The following NUBPL variants were observed in gnomAD, a reference collection of about 807,000 sequenced individuals.
NUBPL encodes iron-sulfur cluster transfer protein NUBPL.
A neutral mutation model predicts 45.7 loss-of-function variants in NUBPL; 31 were observed. The ratio of observed to expected loss-of-function variants is 0.68; its 90% CI spans 0.51 to 0.92. NUBPL has a LOEUF of 0.92. Ranked by LOEUF, NUBPL falls within the 40% of genes least tolerant of loss-of-function variation. The pLI is 0.00. For missense variants in NUBPL, 401 were observed against 398.7 expected, an observed-to-expected ratio of 1.01 and a Z score of -0.05; for synonymous variants, 144 against 140.9, an observed-to-expected ratio of 1.02 and a Z score of -0.15.
chr14:31,812,057 C>T (rs2039816520), intron 7 of NUBPL, among the ~76,000 whole-genome samples: 1 of 152,164 alleles, frequency 6.6e-6, no homozygotes, highest in Non-Finnish European at 1.5e-5. Context: ...TCAGTCGGCC[C>T]CTACTGGGAG....
intron 7 of NUBPL, among the ~76,000 whole-genome samples, chr14:31,798,791 C>CAAAAAAAA (rs1164176250): frequency 1.9e-5 from 1 of 53,502 alleles, no homozygotes; most frequent in Non-Finnish European, 2.9e-5. Context: ...GACTCCGTCT[C>CAAAAAAAA]AAAAAAAAAA....
At chr14:31,714,001 G>A (rs141504541) in intron 6 of NUBPL, among the ~76,000 whole-genome samples, 23 of 152,238 alleles carry the variant, frequency 1.5e-4, no homozygotes, top group African/African-American at 5.3e-4. Context: ...AGTACTGATT[G>A]GCTATGTAGA....
At chr14:31,660,318 C>G (rs2036238808) in intron 4 of NUBPL, among the ~76,000 whole-genome samples, 1 of 152,094 alleles carries the variant, frequency 6.6e-6, no homozygotes, top group African/African-American at 2.4e-5. Flanking sequence ...CTGGTGGAAC[C>G]ACTTTGTCTC....
intron 4 of NUBPL, chr14:31,668,126 A>C (rs1229474932): frequency 6.6e-6 from 1 of 152,396 alleles, no homozygotes; most frequent in Non-Finnish European, 1.5e-5. Flanking sequence ...GTCGGCAGGC[A>C]GGAATGTTTA....
chr14:31,635,719 T>C (rs2035476067), intron 4 of NUBPL, among the ~76,000 whole-genome samples: 1 of 151,454 alleles, frequency 6.6e-6, no homozygotes, highest in East Asian at 1.9e-4. Flanking sequence ...TTCCTACCCA[T>C]GAGCATGGAA....
chr14:31,792,461 G>A (rs1324202411), intron 7 of NUBPL, among the ~76,000 whole-genome samples: 1 of 126,762 alleles, frequency 7.9e-6, no homozygotes, highest in Non-Finnish European at 1.6e-5. Context: ...TTCTTGAAGA[G>A]ACCAGTATTA....
At chr14:31,695,966 G>A (rs575499924) in intron 6 of NUBPL, among the ~76,000 whole-genome samples, 8 of 152,272 alleles carry the variant, frequency 5.3e-5, no homozygotes, top group Non-Finnish European at 7.3e-5. Flanking sequence ...ATAAAATTAC[G>A]TAGTGATCTG....
intron 6 of NUBPL, among the ~76,000 whole-genome samples, chr14:31,719,347 G>C (rs1320656623): frequency 6.6e-6 from 1 of 152,076 alleles, no homozygotes; most frequent in African/African-American, 2.4e-5. Context: ...GTATGTGTGG[G>C]ACAATCTGTA....
chr14:31,756,575 G>A (rs1380584624), intron 6 of NUBPL, among the ~76,000 whole-genome samples: 4 of 151,042 alleles, frequency 2.6e-5, no homozygotes, highest in East Asian at 1.9e-4. Flanking sequence ...TGCTGAAGTT[G>A]CTTATCAGCT....
At chr14:31,585,312 G>C (rs1462871023) in intron 3 of NUBPL, among the ~76,000 whole-genome samples, 1 of 152,200 alleles carries the variant, frequency 6.6e-6, no homozygotes, top group Non-Finnish European at 1.5e-5. Context: ...ATTGAAAGCT[G>C]TTTTGGGCCA....
At chr14:31,798,563 C>T (rs111886102) in intron 7 of NUBPL, among the ~76,000 whole-genome samples, 7,503 of 150,974 alleles carry the variant, frequency 0.05, 247 homozygotes, top group African/African-American at 0.074. Context: ...GAGGCCGAGG[C>T]GGGTGGATCA....
chr14:31,751,695 GTC>G (rs1265209885), intron 6 of NUBPL, among the ~76,000 whole-genome samples: 1 of 152,242 alleles, frequency 6.6e-6, no homozygotes, highest in Non-Finnish European at 1.5e-5. Context: ...CCATGCTGGG[GTC>G]TGGAGAATAG....
At chr14:31,786,351 C>T (rs1275826260) in intron 6 of NUBPL, among the ~76,000 whole-genome samples, 1 of 152,106 alleles carries the variant, frequency 6.6e-6, no homozygotes, top group East Asian at 1.9e-4. Context: ...CTCCTGTTAC[C>T]GTTTTATAGG....
intron 6 of NUBPL, among the ~76,000 whole-genome samples, chr14:31,735,746 G>A (rs2038152237): frequency 6.6e-6 from 1 of 152,122 alleles, no homozygotes; most frequent in Non-Finnish European, 1.5e-5. Flanking sequence ...CAGCTACTCG[G>A]GAGGCTGAGG....
At chr14:31,795,086 T>C (rs1489448159) in intron 7 of NUBPL, among the ~76,000 whole-genome samples, 2 of 149,388 alleles carry the variant, frequency 1.3e-5, no homozygotes, top group Non-Finnish European at 3.0e-5. Context: ...GTTCCATTGA[T>C]CTATATCTCT....
intron 4 of NUBPL, among the ~76,000 whole-genome samples, chr14:31,621,218 T>C (rs2035051633): frequency 6.6e-6 from 1 of 152,160 alleles, no homozygotes; most frequent in Non-Finnish European, 1.5e-5. Flanking sequence ...CTTGCTGGGC[T>C]CCGTGGGGTG....
At chr14:31,829,710 A>G (rs1346117897) in intron 8 of NUBPL, among the ~76,000 whole-genome samples, 4 of 152,124 alleles carry the variant, frequency 2.6e-5, no homozygotes, top group Non-Finnish European at 2.9e-5. Flanking sequence ...CGATGATGTC[A>G]TTGGAATTCA....
chr14:31,811,469 C>G (rs887413372), intron 7 of NUBPL, among the ~76,000 whole-genome samples: 2 of 152,196 alleles, frequency 1.3e-5, no homozygotes, highest in Admixed American at 1.3e-4. Context: ...TCAGCTCCTT[C>G]AGGTCACTTA....
At chr14:31,825,270 C>T (rs550950450) in intron 7 of NUBPL, among the ~76,000 whole-genome samples, 2 of 152,282 alleles carry the variant, frequency 1.3e-5, no homozygotes, top group South Asian at 4.1e-4. Context: ...TCTCCTATGT[C>T]TAGCTTCCCC....
Sources: gnomAD v4.1 joint callset for allele counts (sites outside exome capture counted in the v4.1 genomes callset) on GRCh38, gnomAD v4.1.1 for gene constraint, MANE v1.5 for transcripts, NCBI Gene and HGNC (gene_info 2026-07-23, HGNC 2026-07-21) for gene names.